ETV5: variants seen among roughly 807,000 people sequenced by gnomAD.
ETV5 encodes the protein ETS translocation variant 5.
A neutral mutation model predicts 70.0 loss-of-function variants in ETV5; 10 were observed. The ratio of observed to expected loss-of-function variants is 0.14; its 90% CI spans 0.09 to 0.24. ETV5 has a LOEUF of 0.24. ETV5 is among the 10% of genes least tolerant of loss of function. The pLI is 1.00. For synonymous variants in ETV5, 216 were observed against 242.2 expected (o/e 0.89, Z 1.01); for missense variants, 453 against 651.2 (o/e 0.70, Z 3.31).
chr3:186,086,097 C>A (rs1156992519), intron 5 of ETV5, among the ~76,000 whole-genome samples: 1 of 152,140 alleles, frequency 6.6e-6, no homozygotes, highest in East Asian at 1.9e-4. Flanking sequence ...CTGTCTGGAC[C>A]CCTATTTGAC....
At chr3:186,058,784 T>C (rs4401395) in intron 9 of ETV5, among the ~76,000 whole-genome samples, 11,091 of 152,052 alleles carry the variant, frequency 0.073, 1,002 homozygotes, top group East Asian at 0.47. Flanking sequence ...GAGGCCAAGA[T>C]GGGTGGATCA....
intron 11 of ETV5, among the ~76,000 whole-genome samples, chr3:186,053,097 C>A (rs1007794312): frequency 6.6e-6 from 1 of 151,850 alleles, no homozygotes; most frequent in Non-Finnish European, 1.5e-5. Context: ...TATATTCCTT[C>A]GATTATTTTA....
At chr3:186,055,343 C>G (rs1713131420) in intron 11 of ETV5, among the ~76,000 whole-genome samples, 1 of 152,190 alleles carries the variant, frequency 6.6e-6, no homozygotes. Flanking sequence ...TTCACATAAA[C>G]CAGGCCACGT....
intron 1 of ETV5, chr3:186,107,000 T>C (rs1053544912): frequency 7.2e-6 from 7 of 969,202 alleles, no homozygotes; most frequent in South Asian, 4.8e-5. Flanking sequence ...GTTTGACATA[T>C]ACACAATTTT....
chr3:186,077,980 A>G (rs1204055515), intron 7 of ETV5: 36 of 1,061,696 alleles, frequency 3.4e-5, no homozygotes, highest in Non-Finnish European at 4.0e-5. Context: ...GAATCACCCA[A>G]GAAAAGAAAT....
rs144502280 is a variant in ETV5, at chr3:186,077,673, A to C, written c.650+2144T>G. Reference sequence around the variant, plus strand: ...GCCCCGCCCCAGGCCCACACACTCTATCTCTGAATGTTAACAAGGACTCTG... The same window carrying C: ...GCCCCGCCCCAGGCCCACACACTCTCTCTCTGAATGTTAACAAGGACTCTG... On this transcript the variant is annotated intron_variant, in intron 7 of 12. Transcript: ENST00000306376. 4.5e-3 allele frequency among the ~76,000 whole-genome samples: 690 copies of C among 152,306 alleles called. 9 individuals are homozygous for C. Among genetic ancestry groups the C allele is most frequent in the African/African-American group, 0.015 (624 of 41,572 alleles).
Position 186,105,418 on chromosome 3 carries a change from A to G in ETV5, c.181+31T>C. 6.2e-7 allele frequency: 1 copy of G among 1,613,146 alleles called. No individual in the cohort carries two copies. The highest frequency in any genetic ancestry group is 8.5e-7 in the Non-Finnish European group (1 of 1,179,396). On this transcript the variant is annotated intron_variant, in intron 4 of 12. Transcript: ENST00000306376. The surrounding 1 kb of genome is among the most constrained non-coding windows in gnomAD (Gnocchi z 4.5). ...ATTAAAAAGCACAGTAAAATGTTTT[A>G]TATGGAAAATAGGACATCCATGAAA...
Position 186,065,988 on chromosome 3 carries a change from C to T in ETV5, c.735G>A (p.Arg245=), listed in dbSNP as rs115392798. ...VPGDNRPSYH[R]QMSEPIVPAA... ...CAGGGACAATAGGTTCTGACATTTG[C>T]CGATGGTAACTGGGGCGATTATCTC... The change falls in exon 8 of 13, where the codon CGG becomes CGA. Residue 245 remains arginine (R), a synonymous_variant. Transcript: ENST00000306376. 641 of 1,610,006 alleles carry T rather than the reference C, an allele frequency of 4.0e-4. 5 individuals carry two copies. The African/African-American group carries it at 7.5e-3, about 19-fold the overall frequency.
Position 186,081,053 on chromosome 3 carries a change from T to G in ETV5, c.355A>C (p.Asn119His). 5 of 1,611,006 alleles carry G rather than the reference T, an allele frequency of 3.1e-6. No individual in the cohort carries two copies. Among genetic ancestry groups the G allele is most frequent in the Non-Finnish European group, 4.2e-6 (5 of 1,178,278 alleles). ...GANYGEKCLY[N>H]YCAYDRKPPS... is the part of the protein sequence containing the mutation. Reference sequence around the variant, plus strand: ...CTCCTCTTGCCCACTCACCAATAGTTGTAGAGGCACTTTTCTCCATAGTTA... The same window carrying G: ...CTCCTCTTGCCCACTCACCAATAGTGGTAGAGGCACTTTTCTCCATAGTTA... The change falls in exon 6 of 13, where the codon AAC (asparagine) becomes CAC (histidine). Residue 119 changes from asparagine (N) to histidine (H), a missense_variant. Physicochemically the swap from Asn to His is moderately conservative, Grantham distance 68. This residue lies in a region of ETV5 where 307 missense variants were observed against 344.9 expected (regional missense o/e 0.89). Coordinates refer to ENST00000306376, the MANE Select transcript of ETV5 (RefSeq NM_004454.3).
intron 6 of ETV5, 133 bp from the exon 7 acceptor site, chr3:186,080,237 G>A (rs978687904): frequency 1.3e-5 from 8 of 619,396 alleles, no homozygotes; most frequent in East Asian, 6.9e-5. Context: ...TAAATCGCTC[G>A]TAGCCCCGAG....
intron 7 of ETV5, among the ~76,000 whole-genome samples, chr3:186,072,135 T>C (rs1713655691): frequency 6.7e-6 from 1 of 148,562 alleles, no homozygotes; most frequent in Non-Finnish European, 1.5e-5. Flanking sequence ...GAGGCCAAGG[T>C]GGGCAGATCA....
rs67764705 is a variant in ETV5 at position 186,084,461 on chromosome 3, C to CTTCATTCA, written c.233-3294_233-3287dup. 7.5e-3 allele frequency among the ~76,000 whole-genome samples: 1,129 copies of CTTCATTCA among 150,968 alleles called. 10 individuals carry two copies. The highest frequency in any genetic ancestry group is 0.022 in the African/African-American group (896 of 40,874). On this transcript the variant is annotated intron_variant, in intron 5 of 12. Transcript: ENST00000306376. ...TTGTCATGAAGATCTTTCTTTCTGT[C>CTTCATTCA]TTCATTCATTCATTCATTCATTCAT...
At position 186,047,536 on chromosome 3, in the gene ETV5, G is replaced by A. The variant is rs1560042955; in HGVS notation, c.*1103C>T. The A allele has an allele frequency of 4.3e-6, 1 of 232,352 alleles. No individual in the cohort carries two copies. Among genetic ancestry groups the A allele is most frequent in the Admixed American group, 5.6e-5 (1 of 17,748 alleles). The allele number at this position is 232,352 out of a possible 1,614,324, so 14.4% of individuals were successfully genotyped here. The stretch of plus-strand genomic sequence containing the variant: ...TATGCTTTCCAGAGAGGGCATGTTA[G>A]TGAACACGGGGAACTATACATAGAG... On this transcript the variant is annotated 3_prime_UTR_variant, in exon 13 of 13. Coordinates refer to ENST00000306376, the MANE Select transcript of ETV5 (RefSeq NM_004454.3).
At chr3:186,094,285 C>T (rs2150153189) in intron 5 of ETV5, among the ~76,000 whole-genome samples, 1 of 152,318 alleles carries the variant, frequency 6.6e-6, no homozygotes, top group East Asian at 1.9e-4. Flanking sequence ...TGTCCTGATT[C>T]ATAGATGGTG....
intron 12 of ETV5, among the ~76,000 whole-genome samples, chr3:186,049,230 C>T (rs1712962358): frequency 6.6e-6 from 1 of 152,202 alleles, no homozygotes; most frequent in South Asian, 2.1e-4. Context: ...CATTTTTAGT[C>T]ACTTCCAGAG....
chr3:186,084,100 C>A (rs1713995975), intron 5 of ETV5: 1 of 333,024 alleles, frequency 3.0e-6, no homozygotes, highest in African/African-American at 2.2e-5. Context: ...AAGAAAAGGG[C>A]ACAGCACCTT....
chr3:186,066,262 C>CAAAAAAAAAAAAAAAA (rs10681607), intron 7 of ETV5, among the ~76,000 whole-genome samples, 190 bp from the exon 8 acceptor site: 9 of 94,892 alleles, frequency 9.5e-5, no homozygotes, highest in African/African-American at 1.6e-4. Context: ...CAGGAAGTGG[C>CAAAAAAAAAAAAAAAA]AAAAAAAAAA....
chr3:186,068,007 A>G (rs1484864332), intron 7 of ETV5, among the ~76,000 whole-genome samples: 1 of 152,242 alleles, frequency 6.6e-6, no homozygotes, highest in Non-Finnish European at 1.5e-5. Context: ...GGTCATAAAC[A>G]AAAAGTTTAA....
chr3:186,103,620 AAC>A (rs10534124), intron 5 of ETV5, among the ~76,000 whole-genome samples: 2,560 of 142,864 alleles, frequency 0.018, 22 homozygotes, highest in African/African-American at 0.026. Context: ...TCATCTTGCA[AAC>A]ACACACACAC....
Sources: allele counts gnomAD v4.1 joint callset (sites outside exome capture counted in the v4.1 genomes callset), GRCh38; gene constraint gnomAD v4.1.1; regional missense constraint gnomAD v4.1.1; non-coding constraint Gnocchi (gnomAD v3.1); transcripts MANE v1.5; gene names NCBI Gene and HGNC (gene_info 2026-07-23, HGNC 2026-07-21).